IL1RAPL1: variants seen among roughly 807,000 people sequenced by gnomAD.
IL1RAPL1 encodes interleukin-1 receptor accessory protein-like 1.
A neutral mutation model predicts 48.4 loss-of-function variants in IL1RAPL1; 3 were observed. The ratio of observed to expected loss-of-function variants is 0.06; its 90% confidence interval spans 0.03 to 0.16. The LOEUF is 0.16. Among genes scored for constraint, IL1RAPL1 ranks in the 10% least tolerant of loss-of-function variants. The probability of loss-of-function intolerance (pLI) is 1.00; values close to 1 mark genes in which losing one functional copy is unlikely to be tolerated. For missense variants in IL1RAPL1, 349 were observed against 530.6 expected, an observed-to-expected ratio of 0.66 and a Z score of 3.36; for synonymous variants, 185 against 187.7, an observed-to-expected ratio of 0.99 and a Z score of 0.12.
chrX:29,258,861 T>G (rs1380324712), intron 2 of IL1RAPL1, among the ~76,000 whole-genome samples: 1 of 111,693 alleles, frequency 9.0e-6, no homozygotes, highest in Non-Finnish European at 1.9e-5. Flanking sequence ...CTGGGCATGG[T>G]TCAAATGCTG....
chrX:29,325,182 A>G (rs1299755041), intron 3 of IL1RAPL1, among the ~76,000 whole-genome samples: 1 of 112,204 alleles, frequency 8.9e-6, no homozygotes, highest in African/African-American at 3.2e-5. Context: ...ATATGTCTCA[A>G]TCATCCAGCT....
chrX:29,138,177 TACACTGAATCAG>T (rs945959082), intron 2 of IL1RAPL1, among the ~76,000 whole-genome samples: 1 of 112,302 alleles, frequency 8.9e-6, no homozygotes, highest in Non-Finnish European at 1.9e-5. Context: ...TATTAAAACA[TACACTGAATCAG>T]ACTCCATTTC....
At chrX:29,762,814 C>G (rs1157490655) in intron 6 of IL1RAPL1, among the ~76,000 whole-genome samples, 1 of 111,339 alleles carries the variant, frequency 9.0e-6, no homozygotes, top group African/African-American at 3.3e-5. Flanking sequence ...AGGTCAATTT[C>G]TATCCTGTCG....
At chrX:29,214,237 A>AT (rs1345604615) in intron 2 of IL1RAPL1, among the ~76,000 whole-genome samples, 1 of 111,686 alleles carries the variant, frequency 9.0e-6, no homozygotes, top group Non-Finnish European at 1.9e-5. Context: ...ACTAAGAGGT[A>AT]TTTGACCATG....
At chrX:29,919,120 G>A (rs1240038532) in intron 7 of IL1RAPL1, among the ~76,000 whole-genome samples, 8 of 111,906 alleles carry the variant, frequency 7.1e-5, no homozygotes, top group South Asian at 3.7e-4. Flanking sequence ...TAAGAATATT[G>A]TACTCTAGAA....
chrX:28,916,261 C>T (rs1016157041), intron 2 of IL1RAPL1, among the ~76,000 whole-genome samples: 11 of 111,123 alleles, frequency 9.9e-5, no homozygotes, highest in Admixed American at 4.8e-4. Context: ...CCCAGAAACA[C>T]TGTTTCCCCA....
intron 6 of IL1RAPL1, among the ~76,000 whole-genome samples, chrX:29,893,815 A>G (rs185915997): frequency 8.1e-5 from 9 of 111,566 alleles, no homozygotes; most frequent in Admixed American, 6.7e-4. Context: ...AGCCAGAGGG[A>G]TTCCCTTCTG....
intron 1 of IL1RAPL1, among the ~76,000 whole-genome samples, chrX:28,617,672 T>C (rs1043544463): frequency 3.6e-5 from 4 of 112,348 alleles, no homozygotes; most frequent in Non-Finnish European, 7.5e-5. Flanking sequence ...TACTATCCAA[T>C]TGAACCTAGG....
At chrX:29,038,696 T>C (rs1413538934) in intron 2 of IL1RAPL1, among the ~76,000 whole-genome samples, 1 of 112,091 alleles carries the variant, frequency 8.9e-6, no homozygotes, top group Non-Finnish European at 1.9e-5. Context: ...TCAAGACCAA[T>C]AGTTGTTAGG....
At chrX:29,816,720 T>A (rs1930500834) in intron 6 of IL1RAPL1, among the ~76,000 whole-genome samples, 1 of 110,602 alleles carries the variant, frequency 9.0e-6, no homozygotes, top group African/African-American at 3.3e-5. Flanking sequence ...AAAAAGTTAA[T>A]TCTCCATGAC....
In IL1RAPL1 at chrX:28,854,202, A is replaced by T. The variant is rs770672230; in HGVS notation, c.82+64777A>T. On this transcript the variant is annotated intron_variant, in intron 2 of 10. Transcript: ENST00000378993. Reference sequence around the variant, plus strand: ...ATACTTTAGTAAGATCACACTAGGAATATAGTGAAGAGGACCAGAGGAGGA... The same window carrying T: ...ATACTTTAGTAAGATCACACTAGGATTATAGTGAAGAGGACCAGAGGAGGA... 4.5e-5 allele frequency among the ~76,000 whole-genome samples: 5 copies of T among 111,980 alleles called. No individual in the cohort carries two copies. In the East Asian group the frequency reaches 1.4e-3, roughly 32 times the overall value.
At chrX:29,830,192 C>A (rs886827689) in intron 6 of IL1RAPL1, among the ~76,000 whole-genome samples, 2 of 111,543 alleles carry the variant, frequency 1.8e-5, no homozygotes, top group African/African-American at 6.5e-5. Flanking sequence ...AATCCTCTTC[C>A]CTGCCTTAAG....
At chrX:28,968,379 G>A (rs1219171205) in intron 2 of IL1RAPL1, among the ~76,000 whole-genome samples, 2 of 111,007 alleles carry the variant, frequency 1.8e-5, no homozygotes, top group East Asian at 5.7e-4. Flanking sequence ...TGCAAATTGT[G>A]AGTTATTTCA....
intron 1 of IL1RAPL1, among the ~76,000 whole-genome samples, chrX:28,636,458 T>C (rs1274864112): frequency 8.9e-6 from 1 of 111,844 alleles, no homozygotes; most frequent in African/African-American, 3.2e-5. Context: ...CATTGGAAAT[T>C]CTTCCAAGGC....
chrX:28,680,440 G>A (rs1205590383), intron 1 of IL1RAPL1, among the ~76,000 whole-genome samples: 1 of 111,253 alleles, frequency 9.0e-6, no homozygotes, highest in Non-Finnish European at 1.9e-5. Context: ...TGATTTCAGT[G>A]CCTTTTATTT....
At chrX:29,126,557 A>G (rs749729020) in intron 2 of IL1RAPL1, among the ~76,000 whole-genome samples, 7 of 112,345 alleles carry the variant, frequency 6.2e-5, no homozygotes, top group African/African-American at 2.3e-4. Flanking sequence ...GTTATTTTCT[A>G]ATGAATGCAA....
intron 6 of IL1RAPL1, among the ~76,000 whole-genome samples, chrX:29,810,986 A>G (rs1930369492): frequency 9.0e-6 from 1 of 111,511 alleles, no homozygotes; most frequent in African/African-American, 3.3e-5. Context: ...AAATATCCCA[A>G]GACTTTGTTA....
chrX:29,567,216 A>C (rs1922439513), intron 5 of IL1RAPL1, among the ~76,000 whole-genome samples: 1 of 109,992 alleles, frequency 9.1e-6, no homozygotes, highest in African/African-American at 3.3e-5. Flanking sequence ...CAGACTACCT[A>C]CAAAAAAAAA....
intron 1 of IL1RAPL1, among the ~76,000 whole-genome samples, chrX:28,764,622 C>T (rs1161111683): frequency 1.0e-5 from 1 of 96,741 alleles, no homozygotes; most frequent in Non-Finnish European, 2.1e-5. Flanking sequence ...GATACTAGCA[C>T]TGAGCAATAC....
Sources: allele counts gnomAD v4.1 joint callset (sites outside exome capture counted in the v4.1 genomes callset), GRCh38; gene constraint gnomAD v4.1.1; transcripts MANE v1.5; gene names NCBI Gene and HGNC (gene_info 2026-07-23, HGNC 2026-07-21).